The following STAU2 variants were observed in gnomAD, a reference collection of about 807,000 sequenced individuals.
The protein encoded by STAU2 is double-stranded RNA-binding protein Staufen homolog 2.
In STAU2, 20 loss-of-function variants were observed where a neutral mutation model predicts 65.9. That is an observed-to-expected ratio of 0.30 (90% confidence interval 0.21 to 0.44). STAU2 has a LOEUF of 0.44. Among genes scored for constraint, STAU2 ranks in the 20% least tolerant of loss-of-function variants. The pLI is 1.00. For missense variants in STAU2, 558 were observed against 683.9 expected, an observed-to-expected ratio of 0.82 and a Z score of 2.05; for synonymous variants, 232 against 233.9, an observed-to-expected ratio of 0.99 and a Z score of 0.07.
chr8:73,537,933 A>G (rs1049021388), intron 13 of STAU2, among the ~76,000 whole-genome samples: 9 of 152,248 alleles, frequency 5.9e-5, no homozygotes, highest in African/African-American at 2.2e-4. Flanking sequence ...TGGGCACAGT[A>G]TCACTTCTGT....
intron 13 of STAU2, among the ~76,000 whole-genome samples, chr8:73,529,700 A>C (rs1291012322): frequency 6.6e-6 from 1 of 152,214 alleles, no homozygotes; most frequent in East Asian, 1.9e-4. Flanking sequence ...TACTAATAAA[A>C]CATTGTGCCT....
chr8:73,708,525 A>G (rs1377486776), intron 4 of STAU2, among the ~76,000 whole-genome samples: 1 of 152,212 alleles, frequency 6.6e-6, no homozygotes, highest in African/African-American at 2.4e-5. Flanking sequence ...TGCAGAGATA[A>G]TAAGAACAGT....
chr8:73,704,764 G>C (rs1820382367), intron 4 of STAU2, among the ~76,000 whole-genome samples: 1 of 152,124 alleles, frequency 6.6e-6, no homozygotes, highest in Non-Finnish European at 1.5e-5. Context: ...CGCCTCCCAG[G>C]TTCAAGCAAT....
At chr8:73,556,398 A>G (rs949122145) in intron 12 of STAU2, among the ~76,000 whole-genome samples, 9 of 152,096 alleles carry the variant, frequency 5.9e-5, no homozygotes, top group African/African-American at 1.7e-4. Context: ...AGCTGTACCA[A>G]TATCAGACGC....
intron 4 of STAU2, among the ~76,000 whole-genome samples, chr8:73,694,894 C>T (rs910780963): frequency 6.6e-6 from 1 of 152,228 alleles, no homozygotes; most frequent in African/African-American, 2.4e-5. Flanking sequence ...AGCACCTGCA[C>T]AGGGAGGGAG....
At chr8:73,644,924 A>G (rs1182550632) in intron 6 of STAU2, among the ~76,000 whole-genome samples, 1 of 152,218 alleles carries the variant, frequency 6.6e-6, no homozygotes, top group African/African-American at 2.4e-5. Context: ...TAAGTATTCA[A>G]TAAATTGAAC....
At chr8:73,592,861 A>G (rs1439034152) in intron 11 of STAU2, among the ~76,000 whole-genome samples, 1 of 149,448 alleles carries the variant, frequency 6.7e-6, no homozygotes, top group Non-Finnish European at 1.5e-5. Flanking sequence ...TCCGTCTCAA[A>G]AAAACAACAA....
At chr8:73,636,688 T>A (rs1414552147) in intron 6 of STAU2, among the ~76,000 whole-genome samples, 4 of 151,422 alleles carry the variant, frequency 2.6e-5, no homozygotes, top group East Asian at 3.9e-4. Flanking sequence ...CATGGCAAAA[T>A]CCTGTCTCTA....
chr8:73,664,325 T>G (rs1235998462), intron 6 of STAU2, among the ~76,000 whole-genome samples: 1 of 152,116 alleles, frequency 6.6e-6, no homozygotes, highest in African/African-American at 2.4e-5. Flanking sequence ...TACCAGTCCT[T>G]AAGTATAATG....
At chr8:73,571,752 A>G (rs1809108410) in intron 12 of STAU2, among the ~76,000 whole-genome samples, 1 of 152,322 alleles carries the variant, frequency 6.6e-6, no homozygotes. Flanking sequence ...AAAGCAGTGT[A>G]TAGAGGGAAA....
chr8:73,437,155 A>G (rs1817763717), intron 13 of STAU2, among the ~76,000 whole-genome samples: 1 of 152,152 alleles, frequency 6.6e-6, no homozygotes, highest in South Asian at 2.1e-4. Context: ...TGGGCAGGAT[A>G]AGGGCCCCCA....
intron 13 of STAU2, among the ~76,000 whole-genome samples, chr8:73,495,494 ATTCT>A (rs1821360379): frequency 6.6e-6 from 1 of 151,268 alleles, no homozygotes; most frequent in African/African-American, 2.4e-5. Flanking sequence ...AAATGACTTA[ATTCT>A]TTATTTAGTG....
intron 5 of STAU2, among the ~76,000 whole-genome samples, chr8:73,676,043 T>C (rs1306529733): frequency 2.0e-5 from 3 of 152,154 alleles, no homozygotes; most frequent in African/African-American, 7.2e-5. Context: ...CCACAAATTG[T>C]ATATAAATCT....
intron 3 of STAU2, among the ~76,000 whole-genome samples, chr8:73,710,138 C>T (rs1820792973): frequency 6.6e-6 from 1 of 152,076 alleles, no homozygotes; most frequent in Admixed American, 6.6e-5. Context: ...ACCGTTTCTC[C>T]TCAAGCTCAA....
chr8:73,594,473 T>C (rs1044417189), intron 11 of STAU2, among the ~76,000 whole-genome samples: 2 of 152,204 alleles, frequency 1.3e-5, no homozygotes, highest in Non-Finnish European at 2.9e-5. Context: ...TTGTGAATGT[T>C]CACATAAATA....
intron 6 of STAU2, among the ~76,000 whole-genome samples, chr8:73,622,143 T>TAG (rs1186139236): frequency 0.01 from 657 of 63,174 alleles, 13 homozygotes; most frequent in African/African-American, 0.026. Context: ...TTTTTTTTTT[T>TAG]TTGAGACGGA....
chr8:73,429,128 TTATAAG>T (rs753951318), intron 13 of STAU2, among the ~76,000 whole-genome samples: 4 of 152,152 alleles, frequency 2.6e-5, no homozygotes, highest in East Asian at 1.9e-4. Flanking sequence ...ATACAATAGC[TTATAAG>T]TATGAGAGGG....
At chr8:73,596,946 T>C (rs894177299) in intron 10 of STAU2, among the ~76,000 whole-genome samples, 4 of 152,120 alleles carry the variant, frequency 2.6e-5, no homozygotes, top group Non-Finnish European at 5.9e-5. Context: ...CTAGAAAATA[T>C]TTTAAATAAT....
chr8:73,555,720 A>AGGTT (rs1272960571), intron 12 of STAU2, among the ~76,000 whole-genome samples: 4 of 152,242 alleles, frequency 2.6e-5, no homozygotes, highest in Admixed American at 2.6e-4. Context: ...ATATGTGCAT[A>AGGTT]GGTTATATGC....
Sources: gnomAD v4.1 joint callset for allele counts (sites outside exome capture counted in the v4.1 genomes callset) on GRCh38, gnomAD v4.1.1 for gene constraint, MANE v1.5 for transcripts, NCBI Gene and HGNC (gene_info 2026-07-23, HGNC 2026-07-21) for gene names.